MAPK8IP3: variants seen among roughly 807,000 people sequenced by gnomAD.
MAPK8IP3 encodes the protein C-Jun-amino-terminal kinase-interacting protein 3.
Under a neutral mutation model 157.8 loss-of-function variants are expected in MAPK8IP3, and 49 were observed. The ratio of observed to expected loss-of-function variants is 0.31; its 90% CI spans 0.25 to 0.39. The LOEUF (loss-of-function observed/expected upper bound fraction) is 0.39. MAPK8IP3 is among the 10% of genes least tolerant of loss of function. The pLI is 1.00. For missense variants in MAPK8IP3, 1,478 were observed against 1,889.4 expected (o/e 0.78, Z 4.04); for synonymous variants, 897 against 777.7 (o/e 1.15, Z -2.55).
At chr16:1,753,614 GTATTTTTTAGTAGAGA>G (rs2141887498) in intron 8 of MAPK8IP3, among the ~76,000 whole-genome samples, 1 of 151,378 alleles carries the variant, frequency 6.6e-6, no homozygotes, top group East Asian at 2.0e-4. Flanking sequence ...CTAATTTTTT[GTATTTTTTAGTAGAGA>G]CGGGGTTTCA....
rs780307873 is a variant in MAPK8IP3 at position 1,766,006 on chromosome 16, C to T, written c.2493C>T (p.Ser831=). 30 of 1,612,644 alleles carry T rather than the reference C, an allele frequency of 1.9e-5. No individual in the cohort carries two copies. Among genetic ancestry groups the T allele is most frequent in the Non-Finnish European group, 1.3e-5 (15 of 1,179,928 alleles). Residue 831 remains serine, a synonymous_variant, in exon 21 of 32, where the codon AGC becomes AGT. Coordinates refer to ENST00000610761, the MANE Select transcript of MAPK8IP3 (RefSeq NM_001318852.2). ...CTCCCGGGGAGATGTTCCTGGACAG[C>T]GACGTGAACCCAGAGGACCCGGGCG... ...DYPPGEMFLD[S]DVNPEDPGAD... is the part of the protein sequence containing the mutation.
intron 4 of MAPK8IP3, among the ~76,000 whole-genome samples, chr16:1,734,612 C>T (rs2039539193): frequency 6.6e-6 from 1 of 152,254 alleles, no homozygotes; most frequent in Non-Finnish European, 1.5e-5. Context: ...GTCAGGGGTG[C>T]TGGGACAGGC....
In MAPK8IP3 at chr16:1,766,226, T is replaced by C; in HGVS notation, c.2636T>C (p.Val879Ala). The C allele has an allele frequency of 1.9e-6, 3 of 1,607,878 alleles. No individual in the cohort carries two copies. The highest frequency in any genetic ancestry group is 2.5e-6 in the Non-Finnish European group (3 of 1,177,140). Residue 879 changes from valine to alanine, a missense_variant, in exon 22 of 32, where the codon GTG becomes GCG. Val to Ala is a moderately conservative substitution (Grantham distance 64). Coordinates refer to ENST00000610761, the MANE Select transcript of MAPK8IP3 (RefSeq NM_001318852.2). ...TPVLDKGQGE[V>A]ATIANGKVNP... ...CTCACCTCTCCTAACACAGGGGAGG[T>C]GGCCACCATCGCCAACGGGAAGGTC...
rs1320252954 is a variant in MAPK8IP3 at position 1,748,282 on chromosome 16, A to G, written c.1033A>G (p.Ile345Val). The G allele has an allele frequency of 1.2e-6, 2 of 1,613,882 alleles. No individual in the cohort carries two copies. The highest frequency in any genetic ancestry group is 2.2e-5 in the East Asian group (1 of 44,882). Reference sequence around the variant, plus strand: ...TGACGAGTGGTCTGATGTTCAAGACATTATTGACTCCACGCCAGAGCTGGA... The same window carrying G: ...TGACGAGTGGTCTGATGTTCAAGACGTTATTGACTCCACGCCAGAGCTGGA... ...SSDEWSDVQDIIDSTPELDMC... is the reference protein window; with the variant it reads ...SSDEWSDVQDVIDSTPELDMC... Residue 345 changes from isoleucine (I) to valine (V), a missense_variant, in exon 7 of 32, where the codon ATT becomes GTT. Ile to Val is a conservative substitution (Grantham distance 29). Coordinates refer to ENST00000610761, the MANE Select transcript of MAPK8IP3 (RefSeq NM_001318852.2).
chr16:1,746,158 G>A (rs910543932), intron 5 of MAPK8IP3: 32 of 152,274 alleles, frequency 2.1e-4, no homozygotes, highest in African/African-American at 7.7e-4. Flanking sequence ...ACACCTCAAG[G>A]AGGGCCGGGG....
chr16:1,711,003 C>T (rs1004922187), intron 1 of MAPK8IP3, among the ~76,000 whole-genome samples: 11 of 152,240 alleles, frequency 7.2e-5, no homozygotes, highest in African/African-American at 2.4e-4. Flanking sequence ...GGCCGCTGGG[C>T]GCAGCCTGCC....
intron 8 of MAPK8IP3, among the ~76,000 whole-genome samples, chr16:1,757,188 C>T (rs1335530026): frequency 1.3e-5 from 2 of 152,110 alleles, no homozygotes; most frequent in Non-Finnish European, 2.9e-5. Flanking sequence ...TCACTGCAAG[C>T]TCTGCCTCCC....
chr16:1,761,419 GCAGA>G (rs2041932846), intron 13 of MAPK8IP3, 114 bp downstream of exon 13: 2 of 918,042 alleles, frequency 2.2e-6, no homozygotes, highest in African/African-American at 3.4e-5. Context: ...CCATTCACAG[GCAGA>G]GCGGCCACCA....
rs900268458 is a variant in MAPK8IP3 at position 1,762,743 on chromosome 16, G to A, written c.1727+12G>A. The A allele has an allele frequency of 7.0e-6, 11 of 1,580,686 alleles. No individual in the cohort carries two copies. The highest frequency in any genetic ancestry group is 9.5e-6 in the Non-Finnish European group (11 of 1,161,234). The stretch of plus-strand genomic sequence containing the variant: ...ACCATCTGGCAGTTGTAAGCTGGGG[G>A]CCCCTGGGGGATGTGGGCAGCAGCT... On this transcript the variant is annotated intron_variant, in intron 15 of 31. Coordinates refer to ENST00000610761, the MANE Select transcript of MAPK8IP3 (RefSeq NM_001318852.2).
At chr16:1,750,866 G>A (rs983514511) in intron 8 of MAPK8IP3, among the ~76,000 whole-genome samples, 5 of 151,840 alleles carry the variant, frequency 3.3e-5, no homozygotes, top group African/African-American at 9.7e-5. Context: ...GGCTGGTTTT[G>A]ATCTCCTGAC....
chr16:1,756,669 C>CACAA (rs2041618856), intron 8 of MAPK8IP3, among the ~76,000 whole-genome samples: 1 of 132,734 alleles, frequency 7.5e-6, no homozygotes, highest in Non-Finnish European at 1.6e-5. Context: ...CACACACACA[C>CACAA]AAATTAGCCG....
At position 1,766,940 on chromosome 16, in the gene MAPK8IP3, C is replaced by T. The variant is rs201841226; in HGVS notation, c.3057C>T (p.Asp1019=). 119 of 1,594,562 alleles carry T rather than the reference C, an allele frequency of 7.5e-5. No homozygotes were observed. The highest frequency in any genetic ancestry group is 4.4e-5 in the Non-Finnish European group (51 of 1,168,368). The stretch of plus-strand genomic sequence containing the variant: ...GCCGTGTGCTGGTGGCTCTGGCGGA[C>T]GGGACCCTGGCCATCTTCCACCGTG... ...VKGRVLVALA[D]GTLAIFHRGE... is the part of the protein sequence containing the mutation. The change falls in exon 25 of 32, where the codon GAC becomes GAT. Residue 1019 remains aspartate (D), a synonymous_variant. Coordinates refer to ENST00000610761, the MANE Select transcript of MAPK8IP3 (RefSeq NM_001318852.2).
At position 1,768,611 on chromosome 16, in the gene MAPK8IP3, A is replaced by C; in HGVS notation, c.3877A>C (p.Ile1293Leu). Reference sequence around the variant, plus strand: ...GGTGCTGAGCGGCGGGGAGGGCTACATCGACTTCCGCATTGGTGAGCGGGG... The same window carrying C: ...GGTGCTGAGCGGCGGGGAGGGCTACCTCGACTTCCGCATTGGTGAGCGGGG... ...VLVLSGGEGY[I>L]DFRIGDGEDD... Residue 1293 changes from isoleucine (I) to leucine (L), a missense_variant, in exon 31 of 32, where the codon ATC becomes CTC. By Grantham distance (5) the Ile-to-Leu change is conservative. Coordinates refer to ENST00000610761, the MANE Select transcript of MAPK8IP3 (RefSeq NM_001318852.2). 1 of 1,596,282 alleles carries C rather than the reference A, an allele frequency of 6.3e-7. No homozygotes were observed. The highest frequency in any genetic ancestry group is 8.5e-7 in the Non-Finnish European group (1 of 1,171,416).
In MAPK8IP3 at chr16:1,706,687, C is replaced by T. The variant is rs1183582767; in HGVS notation, c.318+30C>T. The T allele has an allele frequency of 2.6e-6, 4 of 1,510,442 alleles. No individual in the cohort carries two copies. Among genetic ancestry groups the T allele is most frequent in the Admixed American group, 2.0e-5 (1 of 49,720 alleles). The allele number at this position is 1,510,442 out of a possible 1,614,324, so 93.6% of individuals were successfully genotyped here. Reference sequence around the variant, plus strand: ...GTGGGCCGCGGGACCCGCCCGCATCCCCGTCCCGGACCCCCAGCCAGCCCC... The same window carrying T: ...GTGGGCCGCGGGACCCGCCCGCATCTCCGTCCCGGACCCCCAGCCAGCCCC... On this transcript the variant is annotated intron_variant, in intron 1 of 31. Coordinates refer to ENST00000610761, the MANE Select transcript of MAPK8IP3 (RefSeq NM_001318852.2). This position sits in a 1 kb window ranked among gnomAD's most constrained non-coding sequence, Gnocchi z 5.1.
intron 4 of MAPK8IP3, among the ~76,000 whole-genome samples, chr16:1,738,560 G>A (rs1337253045): frequency 4.3e-5 from 6 of 138,020 alleles, no homozygotes; most frequent in South Asian, 5.2e-4. Context: ...CCGTGTGAGC[G>A]TGTGAGCATC....
chr16:1,736,813 CGTCCGTGTG>C, intron 4 of MAPK8IP3, among the ~76,000 whole-genome samples: 1 of 48,372 alleles, frequency 2.1e-5, no homozygotes, highest in African/African-American at 9.6e-5. Flanking sequence ...AGCGTGTGAC[CGTCCGTGTG>C]AGCGTCCGTG....
chr16:1,757,540 C>T (rs548422555), intron 8 of MAPK8IP3, among the ~76,000 whole-genome samples: 7 of 152,288 alleles, frequency 4.6e-5, no homozygotes, highest in Non-Finnish European at 1.0e-4. Flanking sequence ...CAGGGAGGGG[C>T]CAGGACCCAG....
rs373863568 is a variant in MAPK8IP3, at chr16:1,706,543, G to A, written c.204G>A (p.Ser68=). ...LVVNVLENLD[S]VLSENQEHEV... ...TGAACGTGCTGGAGAACCTAGACTC[G>A]GTGCTCAGCGAGAACCAGGAGCACG... Residue 68 remains serine (S), a synonymous_variant, in exon 1 of 32, where the codon TCG becomes TCA. Transcript: ENST00000610761. The surrounding 1 kb of genome is among the most constrained non-coding windows in gnomAD (Gnocchi z 5.1). The A allele has an allele frequency of 6.8e-6, 11 of 1,613,594 alleles. No homozygotes were observed. Among genetic ancestry groups the A allele is most frequent in the South Asian group, 1.1e-5 (1 of 90,978 alleles).
intron 4 of MAPK8IP3, among the ~76,000 whole-genome samples, chr16:1,735,369 C>T (rs1273764588): frequency 6.7e-6 from 1 of 150,282 alleles, no homozygotes; most frequent in East Asian, 2.0e-4. Flanking sequence ...TCCATGTGAG[C>T]ATCCACGTGA....
Sources: gnomAD v4.1 joint callset for allele counts (sites outside exome capture counted in the v4.1 genomes callset) on GRCh38, gnomAD v4.1.1 for gene constraint, Gnocchi (gnomAD v3.1) non-coding constraint, MANE v1.5 for transcripts, NCBI Gene and HGNC (gene_info 2026-07-23, HGNC 2026-07-21) for gene names.